TTC27: variants seen among roughly 807,000 people sequenced by gnomAD.
The protein encoded by TTC27 is tetratricopeptide repeat domain 27.
In TTC27, 79 loss-of-function variants were observed where a neutral mutation model predicts 115.9. The ratio of observed to expected loss-of-function variants is 0.68; its 90% CI spans 0.57 to 0.82. The LOEUF is 0.82. Ranked by LOEUF, TTC27 falls within the 40% of genes least tolerant of loss-of-function variation. The probability of loss-of-function intolerance (pLI) is 0.00; values close to 1 mark genes in which losing one functional copy is unlikely to be tolerated. For synonymous variants in TTC27, 401 were observed against 356.0 expected, an observed-to-expected ratio of 1.13 and a Z score of -1.42; for missense variants, 1,054 against 993.1, an observed-to-expected ratio of 1.06 and a Z score of -0.82.
At position 32,786,934 on chromosome 2, in the gene TTC27, A is replaced by G. The variant is rs111400073; in HGVS notation, c.1833-50A>G. 3 of 1,468,562 alleles carry G rather than the reference A, an allele frequency of 2.0e-6. No homozygotes were observed. The South Asian group carries it at 3.8e-5, about 19-fold the overall frequency. The allele number at this position is 1,468,562 out of a possible 1,614,324, so 91.0% of individuals were successfully genotyped here. ...TATACATTTAGCTATGCTTTATTCT[A>G]ATAAAAAAAGAGTTCATTATTGCTC... On this transcript the variant is annotated intron_variant, in intron 15 of 19. Transcript: ENST00000317907.
chr2:32,787,195 T>A (rs771182257), intron 16 of TTC27, 46 bp downstream of exon 16: 2 of 1,566,766 alleles, frequency 1.3e-6, no homozygotes, highest in Non-Finnish European at 1.7e-6. Context: ...TTGATACTAA[T>A]CCTTGATCAT....
chr2:32,664,448 A>G lies in TTC27; in HGVS notation c.786A>G (p.Gln262=). ...TGGATATTGCTAAGGACATCAGCCA[A>G]TTACAAATTGATTTGACAGGTAAGA... ...DQLDIAKDIS[Q]LQIDLTGALG... Residue 262 remains glutamine, a synonymous_variant, in exon 6 of 20, where the codon CAA becomes CAG. Coordinates refer to ENST00000317907, the MANE Select transcript of TTC27 (RefSeq NM_017735.5). 1.9e-6 allele frequency: 3 copies of G among 1,603,258 alleles called. No homozygotes were observed. Among genetic ancestry groups the G allele is most frequent in the Middle Eastern group, 3.3e-4 (2 of 6,020 alleles).
chr2:32,666,969 GT>G (rs5830236), intron 7 of TTC27, among the ~76,000 whole-genome samples: 110,493 of 150,378 alleles, frequency 0.73, 40,666 homozygotes, highest in African/African-American at 0.82. Context: ...AAAAACTGGT[GT>G]TTTTTTTTTC....
At chr2:32,770,606 G>A (rs555642714) in intron 13 of TTC27, among the ~76,000 whole-genome samples, 1 of 152,314 alleles carries the variant, frequency 6.6e-6, no homozygotes, top group African/African-American at 2.4e-5. Context: ...GAACCATCCA[G>A]CACATGTTAG....
rs542913378 is a variant in TTC27, at chr2:32,770,865, G to A, written c.1681-7017G>A. ...TATGTTATTTGTGGTGGGAAGACTT[G>A]AGGATGTTGGAACTCACATTCCAAT... is the stretch of plus-strand genomic sequence containing the variant. On this transcript the variant is annotated intron_variant, in intron 13 of 19. Transcript: ENST00000317907. 2.6e-5 allele frequency among the ~76,000 whole-genome samples: 4 copies of A among 152,324 alleles called. 1 individual carries two copies. The South Asian group carries it at 8.3e-4, about 32-fold the overall frequency.
At chr2:32,652,616 C>T (rs758049559) in intron 5 of TTC27, among the ~76,000 whole-genome samples, 19 of 152,128 alleles carry the variant, frequency 1.2e-4, no homozygotes, top group Non-Finnish European at 1.9e-4. Context: ...CTGTTCTAGG[C>T]TAATCAACGG....
chr2:32,792,123 G>A (rs922706890), intron 16 of TTC27, among the ~76,000 whole-genome samples: 1 of 152,088 alleles, frequency 6.6e-6, no homozygotes, highest in African/African-American at 2.4e-5. Flanking sequence ...GAATCATACA[G>A]TATGTATTCT....
chr2:32,722,670 A>T (rs775825048), intron 10 of TTC27, among the ~76,000 whole-genome samples: 3 of 152,342 alleles, frequency 2.0e-5, no homozygotes, highest in South Asian at 4.1e-4. Flanking sequence ...AGGAAACGTG[A>T]TATCAGTAGA....
intron 5 of TTC27, among the ~76,000 whole-genome samples, chr2:32,659,632 A>C (rs1665461062): frequency 6.6e-6 from 1 of 152,026 alleles, no homozygotes; most frequent in South Asian, 2.1e-4. Context: ...GGTTTGCTGC[A>C]TCCATCAACC....
At chr2:32,665,412 A>G (rs1439318462) in intron 6 of TTC27, among the ~76,000 whole-genome samples, 1 of 152,180 alleles carries the variant, frequency 6.6e-6, no homozygotes, top group African/African-American at 2.4e-5. Flanking sequence ...GTTTTTAAAT[A>G]TTTTGATTCT....
intron 9 of TTC27, among the ~76,000 whole-genome samples, chr2:32,699,260 G>C (rs908227740): frequency 6.6e-6 from 1 of 152,204 alleles, no homozygotes; most frequent in Non-Finnish European, 1.5e-5. Flanking sequence ...GGTTGAGAAG[G>C]CTCCCTCACA....
rs1572472772 is a variant in TTC27 at position 32,646,796 on chromosome 2, C to T, written c.538-3335C>T. ...GCCAGGAAGGTCTTGATCTCCTGAC[C>T]TTGTGATCCGCCTGCCTCAGCCTCC... On this transcript the variant is annotated intron_variant, in intron 4 of 19. Transcript: ENST00000317907. Among the ~76,000 whole-genome samples, 10 of 151,764 alleles carry T rather than the reference C, an allele frequency of 6.6e-5. No individual in the cohort carries two copies. In the South Asian group the frequency reaches 2.1e-3, roughly 32 times the overall value.
chr2:32,642,817 G>A (rs896844067), intron 4 of TTC27, among the ~76,000 whole-genome samples: 24 of 150,308 alleles, frequency 1.6e-4, no homozygotes, highest in Admixed American at 1.2e-3. Context: ...ACAGGCATGC[G>A]CCACCACACC....
intron 16 of TTC27, among the ~76,000 whole-genome samples, chr2:32,788,419 C>T (rs1670419946): frequency 1.3e-5 from 2 of 152,144 alleles, no homozygotes; most frequent in Non-Finnish European, 2.9e-5. Context: ...CCCCTCCTTC[C>T]TGATAAGCTA....
At chr2:32,787,209 G>T in intron 16 of TTC27, 60 bp downstream of exon 16, 2 of 1,518,376 alleles carry the variant, frequency 1.3e-6, no homozygotes, top group Admixed American at 2.2e-5. Context: ...TGATCATATG[G>T]TATAAATTAT....
chr2:32,683,733 G>A (rs1353346545), intron 9 of TTC27, among the ~76,000 whole-genome samples: 1 of 152,184 alleles, frequency 6.6e-6, no homozygotes, highest in Non-Finnish European at 1.5e-5. Flanking sequence ...AAAATTAGCT[G>A]TGTTATCTAC....
rs187619552 is a variant in TTC27, at chr2:32,789,236, G to A, written c.1998+2087G>A. On this transcript the variant is annotated intron_variant, in intron 16 of 19. Coordinates refer to ENST00000317907, the MANE Select transcript of TTC27 (RefSeq NM_017735.5). Reference sequence around the variant, plus strand: ...TAAGTATGGCAAATCTTGCTAACTCGTGTATTCTAAAAGAAAGGCAAGAAA... The same window carrying A: ...TAAGTATGGCAAATCTTGCTAACTCATGTATTCTAAAAGAAAGGCAAGAAA... Among the ~76,000 whole-genome samples the A allele has an allele frequency of 2.0e-5, 3 of 152,226 alleles. No homozygotes were observed. In the East Asian group the frequency reaches 5.8e-4, roughly 29 times the overall value.
At chr2:32,690,664 G>A (rs1005737970) in intron 9 of TTC27, among the ~76,000 whole-genome samples, 8 of 152,102 alleles carry the variant, frequency 5.3e-5, no homozygotes, top group Admixed American at 1.3e-4. Flanking sequence ...TTTTGTTGAG[G>A]GTAATAGTGA....
intron 3 of TTC27, among the ~76,000 whole-genome samples, chr2:32,635,549 T>A (rs1287233371): frequency 1.3e-5 from 2 of 152,088 alleles, no homozygotes; most frequent in Non-Finnish European, 2.9e-5. Context: ...CCGGGTGTGG[T>A]GGTGCACGCT....
Sources: gnomAD v4.1 joint callset for allele counts (sites outside exome capture counted in the v4.1 genomes callset) on GRCh38, gnomAD v4.1.1 for gene constraint, MANE v1.5 for transcripts, NCBI Gene and HGNC (gene_info 2026-07-23, HGNC 2026-07-21) for gene names.